Variants in PGR observed in about 807,000 individuals in gnomAD.
PGR encodes the protein nuclear receptor subfamily 3 group C member 3.
Under a neutral mutation model 76.1 loss-of-function variants are expected in PGR, and 25 were observed. The observed-to-expected ratio is 0.33, with a 90% CI of 0.24 to 0.46. The LOEUF (loss-of-function observed/expected upper bound fraction) is 0.46. Among genes scored for constraint, PGR ranks in the 20% least tolerant of loss-of-function variants. The pLI, the probability that PGR is intolerant of heterozygous loss-of-function variation, is 1.00. For synonymous variants in PGR, 579 were observed against 535.0 expected, an observed-to-expected ratio of 1.08 and a Z score of -1.14; for missense variants, 1,172 against 1,225.3, an observed-to-expected ratio of 0.96 and a Z score of 0.65.
intron 2 of PGR, among the ~76,000 whole-genome samples, chr11:101,100,640 A>G (rs528163851): frequency 6.7e-6 from 1 of 150,024 alleles, no homozygotes; most frequent in African/African-American, 2.5e-5. Flanking sequence ...CACACAATAC[A>G]TACAGATAAA....
chr11:101,056,477 A>G (rs906235546), intron 4 of PGR, among the ~76,000 whole-genome samples: 5 of 151,926 alleles, frequency 3.3e-5, no homozygotes, highest in Admixed American at 2.6e-4. Flanking sequence ...CAATTTAAAA[A>G]GCTTGTCCAG....
At chr11:101,096,091 T>C (rs944405646) in intron 2 of PGR, among the ~76,000 whole-genome samples, 4 of 152,138 alleles carry the variant, frequency 2.6e-5, no homozygotes, top group Admixed American at 1.3e-4. Flanking sequence ...AAGGAAATTA[T>C]AGTTACCAAA....
Position 101,129,134 on chromosome 11 carries a change from G to A in PGR, c.-64C>T, listed in dbSNP as rs1863018705. ...GAGGAGGGAAAAGGGAAGGAGGAGG[G>A]GGTTTCGGGAATATAGGGGCAGAGG... On this transcript the variant is annotated 5_prime_UTR_variant, in exon 1 of 8. Transcript: ENST00000325455. 1 of 1,391,494 alleles carries A rather than the reference G, an allele frequency of 7.2e-7. No homozygotes were observed. The highest frequency in any genetic ancestry group is 1.5e-5 in the South Asian group (1 of 67,768). The allele number at this position is 1,391,494 out of a possible 1,614,324, so 86.2% of individuals were successfully genotyped here.
rs11571190 is a variant in PGR, at chr11:101,089,871, G to A, written c.1906+1889C>T. On this transcript the variant is annotated intron_variant, in intron 3 of 7. Transcript: ENST00000325455. The stretch of plus-strand genomic sequence containing the variant: ...AACAGGCTAAAGTAACAAGCAGTTT[G>A]GTTAGAGAAGATAAAGGATTACAGA... Among the ~76,000 whole-genome samples the A allele has an allele frequency of 1.8e-4, 27 of 152,288 alleles. 1 individual carries two copies. In the South Asian group the frequency reaches 4.6e-3, roughly 26 times the overall value.
intron 3 of PGR, among the ~76,000 whole-genome samples, chr11:101,064,293 T>C (rs1860624404): frequency 1.7e-5 from 2 of 118,722 alleles, no homozygotes; most frequent in South Asian, 2.7e-4. Context: ...ATCATGCCAT[T>C]GCACTCCAGC....
At chr11:101,065,974 C>T (rs567376223) in intron 3 of PGR, among the ~76,000 whole-genome samples, 95 of 152,306 alleles carry the variant, frequency 6.2e-4, no homozygotes, top group African/African-American at 2.1e-3. Context: ...TACCCCTGTA[C>T]TCTGCCTTCC....
intron 3 of PGR, among the ~76,000 whole-genome samples, chr11:101,072,436 C>CCATTTT (rs1860972564): frequency 6.6e-6 from 1 of 152,154 alleles, no homozygotes; most frequent in Admixed American, 6.5e-5. Flanking sequence ...GCAAAATAAC[C>CCATTTT]AGCTAGCATC....
rs553495019 is a variant in PGR at position 101,050,079 on chromosome 11, A to G, written c.2358-20T>C. ...CGCTGTCTTGCATCACACACAATAC[A>G]CAAAAGAAAAAGCAACAGGAAAAAA... is the stretch of plus-strand genomic sequence containing the variant. On this transcript the variant is annotated intron_variant, in intron 5 of 7. Coordinates refer to ENST00000325455, the MANE Select transcript of PGR (RefSeq NM_000926.4). 3.1e-6 allele frequency: 5 copies of G among 1,611,198 alleles called. No individual in the cohort carries two copies. In the South Asian group the frequency reaches 5.5e-5, roughly 18 times the overall value.
At chr11:101,057,061 T>C (rs1591376862) in intron 4 of PGR, among the ~76,000 whole-genome samples, 1 of 152,230 alleles carries the variant, frequency 6.6e-6, no homozygotes, top group African/African-American at 2.4e-5. Context: ...AGAAAGATGC[T>C]GTTTCTGCCT....
In PGR at chr11:101,033,405, G is replaced by T. The variant is rs1051344770; in HGVS notation, c.*5711C>A. 1 of 192,384 alleles carries T rather than the reference G, an allele frequency of 5.2e-6. No individual in the cohort carries two copies. The highest frequency in any genetic ancestry group is 1.1e-5 in the Non-Finnish European group (1 of 92,140). The allele number at this position is 192,384 out of a possible 1,614,324, so 11.9% of individuals were successfully genotyped here. A position where few individuals can be genotyped will look rare whatever the true frequency, so the allele number is the denominator to read the frequency against. ...GCCCTTAGAAAAAGATAACTTAATT[G>T]TATGTAATATATTATGACCCCAAAG... On this transcript the variant is annotated 3_prime_UTR_variant, in exon 8 of 8. Coordinates refer to ENST00000325455, the MANE Select transcript of PGR (RefSeq NM_000926.4).
rs1005023941 is a variant in PGR at position 101,034,174 on chromosome 11, G to A, written c.*4942C>T. 4.4e-6 allele frequency: 1 copy of A among 226,114 alleles called. No homozygotes were observed. Among genetic ancestry groups the A allele is most frequent in the Non-Finnish European group, 8.8e-6 (1 of 113,574 alleles). The allele number at this position is 226,114 out of a possible 1,614,324, so 14.0% of individuals were successfully genotyped here. A position where few individuals can be genotyped will look rare whatever the true frequency, so the allele number is the denominator to read the frequency against. On this transcript the variant is annotated 3_prime_UTR_variant, in exon 8 of 8. Coordinates refer to ENST00000325455, the MANE Select transcript of PGR (RefSeq NM_000926.4). ...TAATGCCTCTCCCATGTCTCCATGA[G>A]TGGAAAAAAAGCAAACAAACCTGTG... is the stretch of plus-strand genomic sequence containing the variant.
At chr11:101,041,804 G>C (rs539988085) in intron 7 of PGR, 141 bp downstream of exon 7, 14 of 706,702 alleles carry the variant, frequency 2.0e-5, no homozygotes, top group East Asian at 1.6e-4. Flanking sequence ...TAAAAAGTCT[G>C]AGCAGCATGA....
rs770795658 is a variant in PGR at position 101,127,788 on chromosome 11, C to T, written c.1283G>A (p.Arg428Gln). 3.8e-6 allele frequency: 6 copies of T among 1,564,240 alleles called. No homozygotes were observed. The highest frequency in any genetic ancestry group is 1.2e-5 in the South Asian group (1 of 86,806). The change falls in exon 1 of 8, where the codon CGA (arginine) becomes CAA (glutamine). Residue 428 changes from arginine (R) to glutamine (Q), a missense_variant. Transcript: ENST00000325455. ...TTCCCCGGGTCTGGATGGGGTCGCT[C>T]GCGGCGGCAGCGGGGGCGGTGGCCC... ...PLGPPPPLPP[R>Q]ATPSRPGEAA...
Position 101,109,844 on chromosome 11 carries a change from C to A in PGR, c.1789+16163G>T, listed in dbSNP as rs779225206. On this transcript the variant is annotated intron_variant, in intron 2 of 7. Coordinates refer to ENST00000325455, the MANE Select transcript of PGR (RefSeq NM_000926.4). ...GATAGGAGAAGTCAATGCCTGGCTT[C>A]AAAGCTTCAAAGGAAAGGCTGACTC... 4.5e-4 allele frequency among the ~76,000 whole-genome samples: 69 copies of A among 152,168 alleles called. 1 individual carries two copies. The highest frequency in any genetic ancestry group is 9.1e-4 in the Non-Finnish European group (62 of 68,016).
rs1280313288 is a variant in PGR at position 101,030,151 on chromosome 11, AG to A, written c.*8964del. The A allele has an allele frequency of 4.6e-6, 1 of 219,616 alleles. No homozygotes were observed. The highest frequency in any genetic ancestry group is 9.1e-6 in the Non-Finnish European group (1 of 109,652). The allele number at this position is 219,616 out of a possible 1,614,324, so 13.6% of individuals were successfully genotyped here. On this transcript the variant is annotated 3_prime_UTR_variant, in exon 8 of 8. Coordinates refer to ENST00000325455, the MANE Select transcript of PGR (RefSeq NM_000926.4). ...TAGGGACCTACTACTTACTCAAAAT[AG>A]GGTAGTAGCATTAATAACTAAATAG...
chr11:101,067,195 T>C (rs1473299372), intron 3 of PGR, among the ~76,000 whole-genome samples: 1 of 152,142 alleles, frequency 6.6e-6, no homozygotes, highest in Non-Finnish European at 1.5e-5. Context: ...TCCTTGGATA[T>C]TTGCATGGCT....
intron 2 of PGR, among the ~76,000 whole-genome samples, chr11:101,113,357 G>T (rs1199895823): frequency 6.6e-6 from 1 of 151,336 alleles, no homozygotes; most frequent in Non-Finnish European, 1.5e-5. Flanking sequence ...CACCTCCTAG[G>T]TTCATGCCAT....
intron 2 of PGR, among the ~76,000 whole-genome samples, chr11:101,122,136 C>CAG (rs55895854): frequency 0.26 from 34,770 of 134,548 alleles, 5,299 homozygotes; most frequent in Non-Finnish European, 0.35. Flanking sequence ...GCATGGGCAA[C>CAG]AGCGAGACTC....
chr11:101,100,250 C>A (rs1861957120), intron 2 of PGR, among the ~76,000 whole-genome samples: 1 of 152,184 alleles, frequency 6.6e-6, no homozygotes, highest in Non-Finnish European at 1.5e-5. Context: ...CTCATGAGAT[C>A]TGATGGTTTT....
Sources: allele counts gnomAD v4.1 joint callset (sites outside exome capture counted in the v4.1 genomes callset), GRCh38; gene constraint gnomAD v4.1.1; transcripts MANE v1.5; gene names NCBI Gene and HGNC (gene_info 2026-07-23, HGNC 2026-07-21).